The following STPG2 variants were observed in gnomAD, a reference collection of about 807,000 sequenced individuals.
The protein encoded by STPG2 is sperm tail PG-rich repeat containing 2.
STPG2 carries 56 observed loss-of-function variants against 54.2 expected under a neutral mutation model. The ratio of observed to expected loss-of-function variants is 1.03; its 90% confidence interval spans 0.83 to 1.29. STPG2 has a LOEUF of 1.29. STPG2 is among the 50% of genes most tolerant of loss of function. The probability of loss-of-function intolerance (pLI) is 0.00; values close to 1 mark genes in which losing one functional copy is unlikely to be tolerated. For missense variants in STPG2, 596 were observed against 544.9 expected (o/e 1.09, Z -0.93); for synonymous variants, 200 against 181.8 (o/e 1.10, Z -0.81).
intron 3 of STPG2, among the ~76,000 whole-genome samples, chr4:98,111,460 G>A (rs1739345960): frequency 6.6e-6 from 1 of 152,068 alleles, no homozygotes; most frequent in Non-Finnish European, 1.5e-5. Flanking sequence ...TAGTTAGAGA[G>A]GCACCACTCC....
intron 3 of STPG2, among the ~76,000 whole-genome samples, chr4:98,121,949 T>C (rs773584903): frequency 6.6e-6 from 1 of 152,112 alleles, no homozygotes; most frequent in African/African-American, 2.4e-5. Context: ...CTCAATCTCT[T>C]GACCTCGTGA....
At chr4:97,573,955 C>T (rs1732660246) in intron 10 of STPG2, among the ~76,000 whole-genome samples, 1 of 151,982 alleles carries the variant, frequency 6.6e-6, no homozygotes, top group African/African-American at 2.4e-5. Flanking sequence ...TTTTCCTGGG[C>T]CTTGAAGCAT....
chr4:97,970,972 C>A (rs982822238), intron 7 of STPG2, among the ~76,000 whole-genome samples: 18 of 152,186 alleles, frequency 1.2e-4, no homozygotes, highest in African/African-American at 3.9e-4. Context: ...AAGAAAAAAA[C>A]AACCCCAGCA....
intron 4 of STPG2, among the ~76,000 whole-genome samples, chr4:97,507,730 G>A (rs1005683538): frequency 3.3e-5 from 5 of 151,940 alleles, no homozygotes; most frequent in Non-Finnish European, 7.4e-5. Context: ...TATGATGACA[G>A]TTTTATTAAT....
chr4:97,613,318 T>G (rs1331614864), intron 10 of STPG2, among the ~76,000 whole-genome samples: 3 of 152,086 alleles, frequency 2.0e-5, no homozygotes, highest in Non-Finnish European at 4.4e-5. Flanking sequence ...TCCTTCAGTG[T>G]GTGATTGCGT....
chr4:97,848,538 T>A (rs1729040701), intron 8 of STPG2, among the ~76,000 whole-genome samples: 1 of 152,198 alleles, frequency 6.6e-6, no homozygotes. Context: ...TGTTTTTTGC[T>A]GCATCGTATT....
intron 4 of STPG2, among the ~76,000 whole-genome samples, chr4:97,456,982 CA>C (rs1729544796): frequency 6.8e-6 from 1 of 148,052 alleles, no homozygotes; most frequent in Non-Finnish European, 1.5e-5. Flanking sequence ...TATATAATGG[CA>C]AATAAGCATA....
At chr4:97,574,249 T>C (rs550746860) in intron 10 of STPG2, among the ~76,000 whole-genome samples, 121 of 152,098 alleles carry the variant, frequency 8.0e-4, no homozygotes, top group Non-Finnish European at 1.4e-3. Context: ...AGCTGAAGTA[T>C]ACAACTATTG....
At chr4:97,508,376 C>T (rs1245472041) in intron 4 of STPG2, among the ~76,000 whole-genome samples, 1 of 152,092 alleles carries the variant, frequency 6.6e-6, no homozygotes, top group Non-Finnish European at 1.5e-5. Context: ...ATCTATGGCA[C>T]ATTTCATACT....
intron 5 of STPG2, among the ~76,000 whole-genome samples, chr4:98,094,902 G>A (rs986386631): frequency 2.0e-5 from 3 of 152,110 alleles, no homozygotes; most frequent in African/African-American, 7.2e-5. Flanking sequence ...AAAGTATATA[G>A]TTGTTTATGC....
At chr4:97,676,585 G>A (rs1578472330) in intron 10 of STPG2, among the ~76,000 whole-genome samples, 1 of 148,538 alleles carries the variant, frequency 6.7e-6, no homozygotes, top group Admixed American at 6.7e-5. Flanking sequence ...AAAGGAGGGA[G>A]GGAGGGAGGG....
At chr4:98,086,021 T>G (rs1738492301) in intron 5 of STPG2, among the ~76,000 whole-genome samples, 2 of 152,080 alleles carry the variant, frequency 1.3e-5, no homozygotes, top group African/African-American at 4.8e-5. Flanking sequence ...AAACAGAATT[T>G]AAATGTTTCA....
chr4:97,963,888 AC>A (rs1241409457), intron 7 of STPG2, among the ~76,000 whole-genome samples: 3 of 152,062 alleles, frequency 2.0e-5, no homozygotes, highest in Non-Finnish European at 1.5e-5. Context: ...GGTATGTTAA[AC>A]TTGTTCTTAT....
intron 5 of STPG2, among the ~76,000 whole-genome samples, chr4:98,040,157 TC>T (rs2149306415): frequency 6.6e-6 from 1 of 152,042 alleles, no homozygotes; most frequent in African/African-American, 2.4e-5. Context: ...CTTTGCCCAC[TC>T]TTTATTGGGG....
chr4:97,883,357 C>T (rs1265588161), intron 8 of STPG2, among the ~76,000 whole-genome samples: 1 of 151,246 alleles, frequency 6.6e-6, no homozygotes, highest in East Asian at 1.9e-4. Context: ...CAGTACACTC[C>T]AGCCTAAGTG....
intron 7 of STPG2, among the ~76,000 whole-genome samples, chr4:97,953,724 G>C (rs1371529288): frequency 6.6e-6 from 1 of 152,334 alleles, no homozygotes; most frequent in East Asian, 1.9e-4. Context: ...TTCCCCAGTT[G>C]GGGTGTGTAT....
chr4:97,685,930 G>T (rs1365710274), intron 10 of STPG2, among the ~76,000 whole-genome samples: 3 of 152,166 alleles, frequency 2.0e-5, no homozygotes, highest in Admixed American at 6.5e-5. Context: ...ATAGTATTAG[G>T]TCAGACTATA....
At chr4:97,511,843 G>GA in intron 4 of STPG2, among the ~76,000 whole-genome samples, 1 of 151,800 alleles carries the variant, frequency 6.6e-6, no homozygotes, top group Non-Finnish European at 1.5e-5. Context: ...GATTTTGCAA[G>GA]AAAAAAAGGA....
chr4:97,700,190 T>C (rs7660713), intron 10 of STPG2, among the ~76,000 whole-genome samples: 89,508 of 151,978 alleles, frequency 0.59, 26,685 homozygotes, highest in South Asian at 0.68. Context: ...GCTCCAGTCA[T>C]CATCCCTATC....
Sources: gnomAD v4.1 joint callset for allele counts (sites outside exome capture counted in the v4.1 genomes callset) on GRCh38, gnomAD v4.1.1 for gene constraint, MANE v1.5 for transcripts, NCBI Gene and HGNC (gene_info 2026-07-23, HGNC 2026-07-21) for gene names.